BARX2: variants seen among roughly 807,000 people sequenced by gnomAD.
BARX2 encodes BARX homeobox 2, also known as homeobox protein BarH-like 2.
In BARX2, 11 loss-of-function variants were observed where a neutral mutation model predicts 25.5. That is an observed-to-expected ratio of 0.43 (90% CI 0.27 to 0.71). The LOEUF is 0.71. Among genes scored for constraint, BARX2 ranks in the 30% least tolerant of loss-of-function variants. The probability of loss-of-function intolerance (pLI) is 0.19; values close to 1 mark genes in which losing one functional copy is unlikely to be tolerated. For synonymous variants in BARX2, 137 were observed against 149.5 expected (o/e 0.92, Z 0.61); for missense variants, 360 against 359.9 (o/e 1.00, Z 0.00).
rs1032329167 is a variant in BARX2, at chr11:129,390,127, C to T, written c.187+13905C>T. The stretch of plus-strand genomic sequence containing the variant: ...CCCTCCACGGTGTGAGAAGAATTCT[C>T]TTGATGAGGAGTTCTCACCTTCTAT... On this transcript the variant is annotated intron_variant, in intron 1 of 3. Coordinates refer to ENST00000281437, the MANE Select transcript of BARX2 (RefSeq NM_003658.5). The surrounding 1 kb of genome is among the most constrained non-coding windows in gnomAD (Gnocchi z 4.3). Among the ~76,000 whole-genome samples the T allele has an allele frequency of 1.3e-5, 2 of 152,202 alleles. No homozygotes were observed. Among genetic ancestry groups the T allele is most frequent in the Non-Finnish European group, 2.9e-5 (2 of 68,046 alleles).
chr11:129,450,682 G>A (rs1862387515), intron 3 of BARX2, among the ~76,000 whole-genome samples: 1 of 152,072 alleles, frequency 6.6e-6, no homozygotes. Flanking sequence ...AGGACTTTCT[G>A]TGTCAAAAAG....
At chr11:129,396,861 T>C (rs996608000) in intron 1 of BARX2, among the ~76,000 whole-genome samples, 4 of 152,062 alleles carry the variant, frequency 2.6e-5, no homozygotes, top group African/African-American at 7.2e-5. Context: ...ACTGGTGGAG[T>C]TACCAGCTCA....
intron 2 of BARX2, chr11:129,437,790 A>G (rs752271): frequency 0.42 from 63,660 of 151,780 alleles, 14,537 homozygotes; most frequent in African/African-American, 0.61. Context: ...AGTTTGGGAG[A>G]CTGAGGCAGT....
chr11:129,401,903 C>A (rs1271984273), intron 1 of BARX2, among the ~76,000 whole-genome samples: 2 of 151,204 alleles, frequency 1.3e-5, no homozygotes, highest in African/African-American at 2.4e-5. Flanking sequence ...TTGTAGTGAG[C>A]CAAGATTGCA....
In BARX2 at chr11:129,376,229, C is replaced by G. The variant is rs1455865470; in HGVS notation, c.187+7C>G. 1 of 1,595,006 alleles carries G rather than the reference C, an allele frequency of 6.3e-7. No homozygotes were observed. The highest frequency in any genetic ancestry group is 1.4e-5 in the African/African-American group (1 of 73,440). On this transcript the variant is annotated splice_region_variant and intron_variant, in intron 1 of 3. Coordinates refer to ENST00000281437, the MANE Select transcript of BARX2 (RefSeq NM_003658.5). The surrounding 1 kb of genome is among the most constrained non-coding windows in gnomAD (Gnocchi z 4.2). ...CCCCTGCATTCCTGTACGGGTAAGA[C>G]GCTCCGCTAGGGGATAAGTGGGGTT...
chr11:129,416,958 G>C (rs1861951015), intron 1 of BARX2, among the ~76,000 whole-genome samples: 1 of 150,972 alleles, frequency 6.6e-6, no homozygotes, highest in Non-Finnish European at 1.5e-5. Flanking sequence ...CTGGAGTACA[G>C]TGGCGCAATC....
chr11:129,386,683 C>T (rs1344225583), intron 1 of BARX2, among the ~76,000 whole-genome samples: 2 of 152,206 alleles, frequency 1.3e-5, no homozygotes, highest in African/African-American at 4.8e-5. Flanking sequence ...TTCAGCCCAA[C>T]ACCAAAGACG....
chr11:129,418,856 T>C (rs989567862), intron 1 of BARX2, among the ~76,000 whole-genome samples: 1 of 152,234 alleles, frequency 6.6e-6, no homozygotes, highest in Non-Finnish European at 1.5e-5. Flanking sequence ...GGAAAGTCTC[T>C]GGTAAGTTGT....
chr11:129,441,609 C>A (rs1862261122), intron 2 of BARX2, among the ~76,000 whole-genome samples: 2 of 150,434 alleles, frequency 1.3e-5, no homozygotes, highest in South Asian at 4.2e-4. Flanking sequence ...CCACCACACC[C>A]AGTTAATTTT....
chr11:129,382,737 T>C (rs1246080458), intron 1 of BARX2, among the ~76,000 whole-genome samples: 1 of 151,894 alleles, frequency 6.6e-6, no homozygotes, highest in Non-Finnish European at 1.5e-5. Flanking sequence ...GTGGAATGGG[T>C]GTTTCTAGTG....
At position 129,376,271 on chromosome 11, in the gene BARX2, C is replaced by T. The variant is rs747168532; in HGVS notation, c.187+49C>T. 6 of 1,518,294 alleles carry T rather than the reference C, an allele frequency of 4.0e-6. No homozygotes were observed. The East Asian group carries it at 1.0e-4, about 26-fold the overall frequency. The allele number at this position is 1,518,294 out of a possible 1,614,324, so 94.1% of individuals were successfully genotyped here. A position where few individuals can be genotyped will look rare whatever the true frequency, so the allele number is the denominator to read the frequency against. ...AGTGGGGTTCGGTAGCTTTCACGTC[C>T]GTGTAGGTGGCCTGTGCTTTGCGAT... is the stretch of plus-strand genomic sequence containing the variant. On this transcript the variant is annotated intron_variant, in intron 1 of 3. Transcript: ENST00000281437. The surrounding 1 kb of genome is among the most constrained non-coding windows in gnomAD (Gnocchi z 4.2).
Position 129,436,608 on chromosome 11 carries a change from C to G in BARX2, c.188-143C>G, listed in dbSNP as rs192692732. ...TGCAGCTGTAGGTCTTGAGTTACCT[C>G]TCCTTCCCCTTCCTCCATCTGTACC... On this transcript the variant is annotated intron_variant, in intron 1 of 3. Transcript: ENST00000281437. The surrounding 1 kb of genome is among the most constrained non-coding windows in gnomAD (Gnocchi z 4.5). The G allele has an allele frequency of 2.2e-6, 2 of 914,972 alleles. No individual in the cohort carries two copies. The highest frequency in any genetic ancestry group is 3.3e-6 in the Non-Finnish European group (2 of 613,236). 56.7% of individuals were successfully genotyped at this position (914,972 alleles called of 1,614,324 possible). A position where few individuals can be genotyped will look rare whatever the true frequency, so the allele number is the denominator to read the frequency against.
At chr11:129,435,230 C>T (rs1414976547) in intron 1 of BARX2, among the ~76,000 whole-genome samples, 2 of 152,014 alleles carry the variant, frequency 1.3e-5, no homozygotes, top group African/African-American at 4.8e-5. Context: ...AAAAAGAATC[C>T]ACAGCACAAA....
intron 1 of BARX2, among the ~76,000 whole-genome samples, chr11:129,380,387 C>T (rs1470282623): frequency 6.6e-6 from 1 of 152,046 alleles, no homozygotes; most frequent in East Asian, 1.9e-4. Flanking sequence ...AAATTAAATG[C>T]GGTGCAGGTA....
At chr11:129,448,391 A>G (rs566155970) in intron 3 of BARX2, among the ~76,000 whole-genome samples, 1 of 152,360 alleles carries the variant, frequency 6.6e-6, no homozygotes, top group East Asian at 1.9e-4. Flanking sequence ...AGGGACATGT[A>G]TCCAGAATAT....
chr11:129,403,519 G>A (rs983010320), intron 1 of BARX2, among the ~76,000 whole-genome samples: 4 of 152,118 alleles, frequency 2.6e-5, no homozygotes, highest in African/African-American at 9.7e-5. Context: ...CCCAGCTAGA[G>A]GTGGTGGTGC....
intron 1 of BARX2, among the ~76,000 whole-genome samples, chr11:129,392,454 GTGTGGTACAGGTGACACC>G (rs1861675369): frequency 6.6e-6 from 1 of 152,218 alleles, no homozygotes; most frequent in Admixed American, 6.5e-5. Flanking sequence ...AGAAAAGTAT[GTGTGGTACAGGTGACACC>G]TGATTTTCTT....
At chr11:129,403,592 A>G (rs1861799671) in intron 1 of BARX2, among the ~76,000 whole-genome samples, 1 of 152,156 alleles carries the variant, frequency 6.6e-6, no homozygotes, top group African/African-American at 2.4e-5. Context: ...ATTTCCTACT[A>G]TAGATTTTAT....
At chr11:129,426,685 T>A (rs780296873) in intron 1 of BARX2, among the ~76,000 whole-genome samples, 79 of 152,188 alleles carry the variant, frequency 5.2e-4, no homozygotes, top group Non-Finnish European at 9.1e-4. Flanking sequence ...CCCCGCTGCC[T>A]GCAGTTTTTA....
Sources: allele counts gnomAD v4.1 joint callset (sites outside exome capture counted in the v4.1 genomes callset), GRCh38; gene constraint gnomAD v4.1.1; non-coding constraint Gnocchi (gnomAD v3.1); transcripts MANE v1.5; gene names NCBI Gene and HGNC (gene_info 2026-07-23, HGNC 2026-07-21).